Variants in PCDHGA2 observed in about 807,000 individuals in gnomAD.
PCDHGA2 encodes protocadherin gamma subfamily A, 2.
PCDHGA2 carries 40 observed loss-of-function variants against 59.2 expected under a neutral mutation model. The ratio of observed to expected loss-of-function variants is 0.68; its 90% CI spans 0.52 to 0.88. The LOEUF (loss-of-function observed/expected upper bound fraction) is 0.88. Ranked by LOEUF, PCDHGA2 falls within the 40% of genes least tolerant of loss-of-function variation. The pLI is 0.00. For missense variants in PCDHGA2, 1,226 were observed against 1,204.0 expected, an observed-to-expected ratio of 1.02 and a Z score of -0.27; for synonymous variants, 560 against 526.0, an observed-to-expected ratio of 1.06 and a Z score of -0.89.
chr5:141,494,048 G>C (rs764072099), intron 1 of PCDHGA2, among the ~76,000 whole-genome samples: 3 of 152,148 alleles, frequency 2.0e-5, no homozygotes, highest in Non-Finnish European at 2.9e-5. Flanking sequence ...GGCCCTGCTT[G>C]GAGGCTGTGG....
intron 1 of PCDHGA2, chr5:141,392,852 G>C: frequency 6.2e-7 from 1 of 1,611,984 alleles, no homozygotes; most frequent in East Asian, 2.2e-5. Flanking sequence ...GCGGCGAGCT[G>C]ATCCTGCTGT....
intron 1 of PCDHGA2, chr5:141,356,524 G>A: frequency 6.2e-7 from 1 of 1,614,098 alleles, no homozygotes; most frequent in South Asian, 1.1e-5. Flanking sequence ...TTCACTGCAA[G>A]TGATGGACAT....
chr5:141,403,237 C>T (rs1293614874), intron 1 of PCDHGA2: 1 of 1,613,824 alleles, frequency 6.2e-7, no homozygotes, highest in Non-Finnish European at 8.5e-7. Flanking sequence ...GGGAGGAGCT[C>T]TGTGCTCAGA....
chr5:141,350,501 T>A (rs750036904), intron 1 of PCDHGA2: 12 of 1,614,050 alleles, frequency 7.4e-6, no homozygotes, highest in Non-Finnish European at 1.0e-5. Flanking sequence ...GAGCGGGGAT[T>A]TGTTAGTGAA....
At chr5:141,473,131 A>G (rs1262205483) in intron 1 of PCDHGA2, among the ~76,000 whole-genome samples, 2 of 152,214 alleles carry the variant, frequency 1.3e-5, no homozygotes, top group Admixed American at 6.5e-5. Context: ...TTGGCAAACT[A>G]TATTATCTCT....
intron 1 of PCDHGA2, 165 bp downstream of exon 1, chr5:141,341,560 CTG>C: frequency 7.5e-7 from 1 of 1,340,940 alleles, no homozygotes; most frequent in Non-Finnish European, 1.0e-6. Context: ...TGTTCACAGG[CTG>C]TAAGAGGAAG....
rs139211149 is a variant in PCDHGA2, at chr5:141,426,067, G to A, written c.2425-68740G>A. Among the ~76,000 whole-genome samples, 5 of 152,328 alleles carry A rather than the reference G, an allele frequency of 3.3e-5. No individual in the cohort carries two copies. The East Asian group carries it at 9.6e-4, about 29-fold the overall frequency. On this transcript the variant is annotated intron_variant, in intron 1 of 3. Coordinates refer to ENST00000394576, the MANE Select transcript of PCDHGA2 (RefSeq NM_018915.4). Reference sequence around the variant, plus strand: ...TGGCCAATGTGCTGCAAGAACTGGAGCCTGGGATCTACCAGGACGATATTC... The same window carrying A: ...TGGCCAATGTGCTGCAAGAACTGGAACCTGGGATCTACCAGGACGATATTC...
At position 141,486,996 on chromosome 5, in the gene PCDHGA2, A is replaced by G; in HGVS notation, c.2425-7811A>G. ...TCAGGTTACAATGCTTGGGTTTCCT[A>G]TCAGCTCCTGGAGGCCCCAGATCCC... On this transcript the variant is annotated intron_variant, in intron 1 of 3. Coordinates refer to ENST00000394576, the MANE Select transcript of PCDHGA2 (RefSeq NM_018915.4). This position sits in a 1 kb window ranked among gnomAD's most constrained non-coding sequence, Gnocchi z 5.0. 6.2e-7 allele frequency: 1 copy of G among 1,614,152 alleles called. No individual in the cohort carries two copies. Among genetic ancestry groups the G allele is most frequent in the Non-Finnish European group, 8.5e-7 (1 of 1,180,032 alleles).
Position 141,415,740 on chromosome 5 carries a change from G to GTTTTTT in PCDHGA2, c.2424+74372_2424+74377dup, listed in dbSNP as rs57426385. ...TGAGTAGAATTTGATGTTTATTAAGGTTTTTTTTTTTTTTTTTTTTTTTTT... is the reference window on the plus strand; with the variant it reads ...TGAGTAGAATTTGATGTTTATTAAGGTTTTTTTTTTTTTTTTTTTTTTTTTTTTTTT... On this transcript the variant is annotated intron_variant, in intron 1 of 3. Transcript: ENST00000394576. 6.6e-4 allele frequency: 412 copies of GTTTTTT among 624,836 alleles called. 3 individuals carry two copies. The highest frequency in any genetic ancestry group is 1.2e-3 in the African/African-American group (49 of 39,912). The allele number at this position is 624,836 out of a possible 1,614,324, so 38.7% of individuals were successfully genotyped here.
At chr5:141,445,632 T>C (rs940642775) in intron 1 of PCDHGA2, among the ~76,000 whole-genome samples, 19 of 152,116 alleles carry the variant, frequency 1.2e-4, no homozygotes, top group Admixed American at 1.1e-3. Flanking sequence ...GAAAGTGATA[T>C]TTAGAGAGAT....
At chr5:141,356,540 A>G (rs527720732) in intron 1 of PCDHGA2, 1 of 1,614,106 alleles carries the variant, frequency 6.2e-7, no homozygotes, top group East Asian at 2.2e-5. Flanking sequence ...GACATCAATG[A>G]CAACCCACCC....
intron 1 of PCDHGA2, chr5:141,419,964 T>A (rs151105903): frequency 1.2e-6 from 2 of 1,613,964 alleles, no homozygotes; most frequent in African/African-American, 2.7e-5. Context: ...ATTTCTGTGC[T>A]CTTTCTCCTC....
intron 1 of PCDHGA2, chr5:141,360,880 G>T: frequency 1.2e-6 from 2 of 1,614,004 alleles, no homozygotes; most frequent in South Asian, 2.2e-5. Flanking sequence ...CGTGTACAGG[G>T]TCACCCTGAG....
At chr5:141,429,848 C>T (rs567448097) in intron 1 of PCDHGA2, among the ~76,000 whole-genome samples, 25 of 152,228 alleles carry the variant, frequency 1.6e-4, no homozygotes, top group African/African-American at 5.8e-4. Context: ...AAGTCTGTAA[C>T]ATTCTTTGGA....
Position 141,348,075 on chromosome 5 carries a change from T to C in PCDHGA2, c.2424+6680T>C, listed in dbSNP as rs13357797. On this transcript the variant is annotated intron_variant, in intron 1 of 3. Coordinates refer to ENST00000394576, the MANE Select transcript of PCDHGA2 (RefSeq NM_018915.4). Reference sequence around the variant, plus strand: ...CTTCTTTTGTCATGTTCTACAACTTTCTTGAGCCAGAAATTGTTGGCTTAT... The same window carrying C: ...CTTCTTTTGTCATGTTCTACAACTTCCTTGAGCCAGAAATTGTTGGCTTAT... Among the ~76,000 whole-genome samples, 661 of 152,348 alleles carry C rather than the reference T, an allele frequency of 4.3e-3. 8 individuals carry two copies. Among genetic ancestry groups the C allele is most frequent in the African/African-American group, 0.015 (627 of 41,586 alleles).
intron 1 of PCDHGA2, among the ~76,000 whole-genome samples, chr5:141,444,933 G>A (rs1004890599): frequency 3.3e-5 from 5 of 152,152 alleles, no homozygotes; most frequent in African/African-American, 1.2e-4. Context: ...AAAGAGGGAA[G>A]GAGGGAGGAG....
chr5:141,477,037 G>A lies in PCDHGA2; in HGVS notation c.2425-17770G>A. ...TTGTAACCGGGATGCTGACAATCAAGGGTCGGCTGGACTTCGAGGACACCA... is the reference window on the plus strand; with the variant it reads ...TTGTAACCGGGATGCTGACAATCAAAGGTCGGCTGGACTTCGAGGACACCA... On this transcript the variant is annotated intron_variant, in intron 1 of 3. Coordinates refer to ENST00000394576, the MANE Select transcript of PCDHGA2 (RefSeq NM_018915.4). This position sits in a 1 kb window ranked among gnomAD's most constrained non-coding sequence, Gnocchi z 4.9. 6.2e-7 allele frequency: 1 copy of A among 1,614,266 alleles called. No individual in the cohort carries two copies. The highest frequency in any genetic ancestry group is 8.5e-7 in the Non-Finnish European group (1 of 1,180,052).
rs368547508 is a variant in PCDHGA2, at chr5:141,366,079, A to T, written c.2424+24684A>T. On this transcript the variant is annotated intron_variant, in intron 1 of 3. Transcript: ENST00000394576. ...TGGAGCTGGCGCCTCGCTCCGCAGA[A>T]CCTGGCTACCTGGTGACCAAGGTGG... 100 of 1,614,102 alleles carry T rather than the reference A, an allele frequency of 6.2e-5. No homozygotes were observed. Among genetic ancestry groups the T allele is most frequent in the Non-Finnish European group, 8.1e-5 (95 of 1,180,048 alleles).
At chr5:141,410,804 T>A in intron 1 of PCDHGA2, 1 of 674,100 alleles carries the variant, frequency 1.5e-6, no homozygotes, top group Non-Finnish European at 2.3e-6. Flanking sequence ...TTGCTCTATC[T>A]TTTTGTAAAA....
Sources: gnomAD v4.1 joint callset for allele counts (sites outside exome capture counted in the v4.1 genomes callset) on GRCh38, gnomAD v4.1.1 for gene constraint, Gnocchi (gnomAD v3.1) non-coding constraint, MANE v1.5 for transcripts, NCBI Gene and HGNC (gene_info 2026-07-23, HGNC 2026-07-21) for gene names.